GRAMD4: variants seen among roughly 807,000 people sequenced by gnomAD.
GRAMD4 encodes the protein GRAM domain-containing protein 4.
GRAMD4 carries 25 observed loss-of-function variants against 83.9 expected under a neutral mutation model. The observed-to-expected ratio is 0.30, with a 90% confidence interval of 0.22 to 0.42. The LOEUF (loss-of-function observed/expected upper bound fraction) is 0.42. GRAMD4 is among the 10% of genes least tolerant of loss of function. GRAMD4 has a pLI of 1.00. For synonymous variants in GRAMD4, 336 were observed against 320.9 expected (o/e 1.05, Z -0.50); for missense variants, 593 against 788.7 (o/e 0.75, Z 2.97).
chr22:46,664,084 G>C lies in GRAMD4; in HGVS notation c.684G>C (p.Trp228Cys). 6.2e-7 allele frequency: 1 copy of C among 1,613,400 alleles called. No homozygotes were observed. Among genetic ancestry groups the C allele is most frequent in the Non-Finnish European group, 8.5e-7 (1 of 1,179,826 alleles). Residue 228 changes from tryptophan (W) to cysteine (C), a missense_variant, in exon 8 of 19, where the codon TGG (tryptophan) becomes TGC (cysteine). Trp to Cys is a radical substitution (Grantham distance 215). Transcript: ENST00000406902. ...AGAACCTCTCTGCCTTATCCGACTGGTACTCCGTCTACACGTCTGCCATTG... is the reference window on the plus strand; with the variant it reads ...AGAACCTCTCTGCCTTATCCGACTGCTACTCCGTCTACACGTCTGCCATTG... ...FVKNLSALSD[W>C]YSVYTSAIAF...
chr22:46,632,650 T>A (rs1042845285), intron 2 of GRAMD4, among the ~76,000 whole-genome samples: 2 of 152,172 alleles, frequency 1.3e-5, no homozygotes, highest in Non-Finnish European at 2.9e-5. Flanking sequence ...CCCAGGGCCT[T>A]GTGTCCCAAT....
At chr22:46,680,633 T>TACCCAC (rs1315928737), downstream of GRAMD4, among the ~76,000 whole-genome samples, 1 of 79,528 alleles carries the variant, frequency 1.3e-5, no homozygotes, top group Non-Finnish European at 2.6e-5. Flanking sequence ...CATTCATCCC[T>TACCCAC]CCATCCATTC....
At position 46,601,547 on chromosome 22, in the gene GRAMD4, A is replaced by G. The variant is rs1280413100; in HGVS notation, c.-50+24257A>G. Reference sequence around the variant, plus strand: ...TGCAGTGGCTCACGCCTGTAATCTCAGCACTTTGGGAGGCTAAGGCGGGGG... The same window carrying G: ...TGCAGTGGCTCACGCCTGTAATCTCGGCACTTTGGGAGGCTAAGGCGGGGG... On this transcript the variant is annotated intron_variant, in intron 1 of 1. Transcript: ENST00000431155. Among the ~76,000 whole-genome samples, 7 of 152,134 alleles carry G rather than the reference A, an allele frequency of 4.6e-5. 1 individual carries two copies. The highest frequency in any genetic ancestry group is 2.0e-4 in the Admixed American group (3 of 15,286).
At chr22:46,663,981 C>A in intron 7 of GRAMD4, 45 bp from the exon 8 acceptor site, 1 of 1,574,672 alleles carries the variant, frequency 6.4e-7, no homozygotes, top group Non-Finnish European at 8.7e-7. Context: ...GGTTAAGCGG[C>A]CTCCTACCCA....
At chr22:46,654,779 G>C (rs1043006681) in intron 3 of GRAMD4, among the ~76,000 whole-genome samples, 1 of 152,214 alleles carries the variant, frequency 6.6e-6, no homozygotes, top group Non-Finnish European at 1.5e-5. Flanking sequence ...GGCCAGGCTG[G>C]GTCTTGGGGC....
chr22:46,676,625 G>C lies in GRAMD4; in HGVS notation c.1589G>C (p.Gly530Ala). ...QKYKVLSVLP[G>A]SGMGIAVSTP... is the part of the protein sequence containing the mutation. The stretch of plus-strand genomic sequence containing the variant: ...TACAAGGTCCTGTCTGTCCTCCCAG[G>C]CTCAGGCATGGGGATTGCCGTGTCG... Residue 530 changes from glycine (G) to alanine (A), a missense_variant, in exon 18 of 19, where the codon GGC becomes GCC. Gly to Ala is a moderately conservative substitution (Grantham distance 60). Coordinates refer to ENST00000406902, the MANE Select transcript of GRAMD4 (RefSeq NM_015124.5). 2 of 1,549,288 alleles carry C rather than the reference G, an allele frequency of 1.3e-6. No homozygotes were observed. The highest frequency in any genetic ancestry group is 1.7e-6 in the Non-Finnish European group (2 of 1,146,984).
chr22:46,577,960 G>A (rs1021100843), intron 1 of GRAMD4, among the ~76,000 whole-genome samples: 6 of 152,308 alleles, frequency 3.9e-5, no homozygotes, highest in African/African-American at 1.4e-4. Flanking sequence ...ACCCCTGCCA[G>A]GTCCTGGACA....
intron 2 of GRAMD4, among the ~76,000 whole-genome samples, chr22:46,633,846 C>T (rs1017599365): frequency 2.6e-4 from 40 of 152,084 alleles, no homozygotes; most frequent in Admixed American, 1.1e-3. Flanking sequence ...TGTTTTCTGT[C>T]CTCAGTGTGG....
At chr22:46,643,985 T>C (rs1297409183) in intron 3 of GRAMD4, among the ~76,000 whole-genome samples, 1 of 152,262 alleles carries the variant, frequency 6.6e-6, no homozygotes, top group African/African-American at 2.4e-5. Context: ...TCTTCCCCTG[T>C]AGATAACCAG....
chr22:46,577,582 C>T (rs1035285381), intron 1 of GRAMD4, among the ~76,000 whole-genome samples: 1 of 151,412 alleles, frequency 6.6e-6, no homozygotes, highest in Non-Finnish European at 1.5e-5. Context: ...TTGCGGGGCC[C>T]GGACTGGGGT....
At chr22:46,627,908 C>G (rs1186085475) in intron 2 of GRAMD4, among the ~76,000 whole-genome samples, 1 of 152,200 alleles carries the variant, frequency 6.6e-6, no homozygotes, top group African/African-American at 2.4e-5. Context: ...GCCCGGCCTG[C>G]CGGGATCGGC....
chr22:46,673,161 C>G (rs1013148855), intron 14 of GRAMD4, among the ~76,000 whole-genome samples, 164 bp downstream of exon 14: 1 of 152,006 alleles, frequency 6.6e-6, no homozygotes, highest in Non-Finnish European at 1.5e-5. Context: ...GTTACCACTG[C>G]GGTTTCTGAG....
At position 46,620,976 on chromosome 22, in the gene GRAMD4, TG is replaced by T. The variant is rs2081565525; in HGVS notation, c.-50+414del. On this transcript the variant is annotated intron_variant, in intron 1 of 18. Coordinates refer to ENST00000406902, the MANE Select transcript of GRAMD4 (RefSeq NM_015124.5). This position sits in a 1 kb window ranked among gnomAD's most constrained non-coding sequence, Gnocchi z 4.7. ...GCATGGCTCGGAGTTGCAGGGGCCC[TG>T]GGCTGCCAGGGGTGGGCCTGTAGGT... Among the ~76,000 whole-genome samples the T allele has an allele frequency of 6.6e-6, 1 of 151,268 alleles. No homozygotes were observed. The highest frequency in any genetic ancestry group is 1.5e-5 in the Non-Finnish European group (1 of 67,800).
At chr22:46,636,671 G>A (rs1408014074) in intron 2 of GRAMD4, among the ~76,000 whole-genome samples, 1 of 152,358 alleles carries the variant, frequency 6.6e-6, no homozygotes. Context: ...CCTGTGGTGG[G>A]ACACTCACTC....
rs370520206 is a variant in GRAMD4 at position 46,603,609 on chromosome 22, C to T, written c.-49-23142C>T. Among the ~76,000 whole-genome samples, 11 of 136,584 alleles carry T rather than the reference C, an allele frequency of 8.1e-5. No homozygotes were observed. The East Asian group carries it at 1.8e-3, about 22-fold the overall frequency. The allele number at this position is 136,584 out of a possible 152,430, so 89.6% of individuals were successfully genotyped here. On this transcript the variant is annotated intron_variant, in intron 1 of 1. Transcript: ENST00000431155. ...CTGGCTCACTGCAAGCTCCGCCTTC[C>T]GGGTTCACGCCATTCTCCTGCCTCA...
At chr22:46,592,746 C>T (rs898165762) in intron 1 of GRAMD4, among the ~76,000 whole-genome samples, 4 of 152,150 alleles carry the variant, frequency 2.6e-5, no homozygotes, top group African/African-American at 9.7e-5. Flanking sequence ...TTGGCTGACA[C>T]CGCGCCCGGC....
intron 3 of GRAMD4, among the ~76,000 whole-genome samples, chr22:46,639,374 TGTG>T (rs760497227): frequency 1.3e-4 from 19 of 151,080 alleles, no homozygotes; most frequent in Non-Finnish European, 1.9e-4. Context: ...CGTGCACGTG[TGTG>T]GTGGTTAACC....
intron 1 of GRAMD4, among the ~76,000 whole-genome samples, chr22:46,580,018 C>A (rs2081082063): frequency 6.6e-6 from 1 of 152,186 alleles, no homozygotes; most frequent in Non-Finnish European, 1.5e-5. Flanking sequence ...CCTGCCTCCT[C>A]CCCTGCAAGG....
At chr22:46,603,127 A>G (rs2081327819) in intron 1 of GRAMD4, among the ~76,000 whole-genome samples, 1 of 148,520 alleles carries the variant, frequency 6.7e-6, no homozygotes, top group Non-Finnish European at 1.5e-5. Context: ...TTCCCGGGTT[A>G]TCATTTATCT....
Sources: allele counts gnomAD v4.1 joint callset (sites outside exome capture counted in the v4.1 genomes callset), GRCh38; gene constraint gnomAD v4.1.1; non-coding constraint Gnocchi (gnomAD v3.1); transcripts MANE v1.5; gene names NCBI Gene and HGNC (gene_info 2026-07-23, HGNC 2026-07-21).